Variants in GADL1 observed in about 807,000 individuals in gnomAD.
The protein encoded by GADL1 is GAD like acidic amino acid decarboxylase 1.
A neutral mutation model predicts 69.5 loss-of-function variants in GADL1; 71 were observed. That is an observed-to-expected ratio of 1.02 (90% CI 0.84 to 1.25). The LOEUF is 1.25. Ranked by LOEUF, GADL1 falls within the 50% of genes most tolerant of loss-of-function variation. The pLI, the probability that GADL1 is intolerant of heterozygous loss-of-function variation, is 0.00. For missense variants in GADL1, 737 were observed against 631.8 expected (o/e 1.17, Z -1.79); for synonymous variants, 254 against 214.4 (o/e 1.18, Z -1.62).
intron 14 of GADL1, among the ~76,000 whole-genome samples, chr3:30,752,449 TCTG>T (rs1368192570): frequency 3.1e-5 from 4 of 127,376 alleles, no homozygotes; most frequent in African/African-American, 4.9e-5. Flanking sequence ...GCAGCCAGTC[TCTG>T]CTTTTAGATA....
chr3:30,773,339 A>G (rs1279897092), intron 14 of GADL1, among the ~76,000 whole-genome samples: 2 of 152,128 alleles, frequency 1.3e-5, no homozygotes, highest in African/African-American at 4.8e-5. Context: ...CTTTTTGTCT[A>G]GATAAAGCAC....
In GADL1 at chr3:30,754,956, T is replaced by C. The variant is rs2125480765; in HGVS notation, c.1392+23223A>G. Among the ~76,000 whole-genome samples the C allele has an allele frequency of 1.3e-5, 2 of 152,262 alleles. 1 individual carries two copies. The highest frequency in any genetic ancestry group is 6.8e-3 in the Middle Eastern group (2 of 294). ...CAAATATTGAAAAACCAAGAGACTT[T>C]CACTGAGGAAGCAGACCAAAACGGG... is the stretch of plus-strand genomic sequence containing the variant. On this transcript the variant is annotated intron_variant, in intron 14 of 14. Coordinates refer to ENST00000282538, the MANE Select transcript of GADL1 (RefSeq NM_207359.3).
intron 9 of GADL1, among the ~76,000 whole-genome samples, chr3:30,838,495 G>A (rs898379362): frequency 6.6e-6 from 1 of 152,048 alleles, no homozygotes; most frequent in African/African-American, 2.4e-5. Flanking sequence ...ATTTGCTTTA[G>A]TTATAGCATG....
At chr3:30,738,568 T>G (rs781216266) in intron 14 of GADL1, among the ~76,000 whole-genome samples, 5 of 152,164 alleles carry the variant, frequency 3.3e-5, no homozygotes, top group Non-Finnish European at 5.9e-5. Flanking sequence ...CTTAAAGGTA[T>G]GTTCATGTTG....
chr3:30,829,728 T>TG (rs368745241), intron 11 of GADL1, among the ~76,000 whole-genome samples: 2 of 152,066 alleles, frequency 1.3e-5, no homozygotes, highest in African/African-American at 4.8e-5. Flanking sequence ...TAGATATTAG[T>TG]GGGTTTTTTT....
In GADL1 at chr3:30,728,387, A is replaced by G; in HGVS notation, c.1421T>C (p.Met474Thr). 1 of 1,613,676 alleles carries G rather than the reference A, an allele frequency of 6.2e-7. No individual in the cohort carries two copies. Among genetic ancestry groups the G allele is most frequent in the South Asian group, 1.1e-5 (1 of 91,080 alleles). Residue 474 changes from methionine (M) to threonine (T), a missense_variant, in exon 15 of 15, where the codon ATG (methionine) becomes ACG (threonine). Met to Thr is a moderately conservative substitution (Grantham distance 81). Coordinates refer to ENST00000282538, the MANE Select transcript of GADL1 (RefSeq NM_207359.3). ...LVAPAIKERMMKKGSLMLGYQ... is the reference protein window; with the variant it reads ...LVAPAIKERMTKKGSLMLGYQ... ...GCCCAGCATCAAGCTTCCCTTCTTCATCATCCTCTCCTTAATGGCTGGGGC... is the reference window on the plus strand; with the variant it reads ...GCCCAGCATCAAGCTTCCCTTCTTCGTCATCCTCTCCTTAATGGCTGGGGC...
At chr3:30,874,297 A>G (rs1698546746) in intron 1 of GADL1, among the ~76,000 whole-genome samples, 2 of 152,072 alleles carry the variant, frequency 1.3e-5, no homozygotes, top group Admixed American at 6.6e-5. Context: ...TGGAGTGGCA[A>G]ATGCAGGTGC....
chr3:30,840,034 C>A (rs1432803330), intron 8 of GADL1, among the ~76,000 whole-genome samples: 2 of 151,642 alleles, frequency 1.3e-5, no homozygotes, highest in African/African-American at 4.8e-5. Context: ...GTGAGGGGAG[C>A]AAGTAGAATA....
rs757947294 is a variant in GADL1, at chr3:30,778,184, T to C, written c.1387A>G (p.Asn463Asp). Residue 463 changes from asparagine to aspartate, a missense_variant, in exon 14 of 15, where the codon AAT becomes GAT. Transcript: ENST00000282538. ...ACCATTTACTTATTACTTACCAAAT[T>C]AAGTTTTGCCCAGAACTCGGGTCCT... ...EEGPEFWAKL[N>D]LVAPAIKERM... 1.3e-6 allele frequency: 2 copies of C among 1,586,422 alleles called. No homozygotes were observed. Among genetic ancestry groups the C allele is most frequent in the Non-Finnish European group, 1.7e-6 (2 of 1,155,292 alleles).
At chr3:30,841,221 G>A (rs1251048425) in intron 8 of GADL1, among the ~76,000 whole-genome samples, 1 of 152,206 alleles carries the variant, frequency 6.6e-6, no homozygotes, top group Non-Finnish European at 1.5e-5. Context: ...TGTCCTTGGT[G>A]AATCCAGGCT....
chr3:30,757,464 G>A (rs936108741), intron 14 of GADL1, among the ~76,000 whole-genome samples: 36 of 152,206 alleles, frequency 2.4e-4, no homozygotes, highest in African/African-American at 6.8e-4. Flanking sequence ...AGGGAAACCA[G>A]TTAGTCTCTT....
At chr3:30,804,923 C>T (rs1270994049) in intron 11 of GADL1, among the ~76,000 whole-genome samples, 1 of 152,168 alleles carries the variant, frequency 6.6e-6, no homozygotes, top group Non-Finnish European at 1.5e-5. Flanking sequence ...GCAAAAGAGC[C>T]TGGAGAATAT....
At chr3:30,850,981 G>A in intron 4 of GADL1, 40 bp from the exon 5 acceptor site, 1 of 1,185,760 alleles carries the variant, frequency 8.4e-7, no homozygotes, top group Non-Finnish European at 1.2e-6. Context: ...TATGACTAGA[G>A]TCAAAACATT....
chr3:30,846,789 G>A (rs140662852), intron 6 of GADL1, among the ~76,000 whole-genome samples: 6 of 152,174 alleles, frequency 3.9e-5, no homozygotes, highest in Middle Eastern at 3.4e-3. Context: ...CTGCTTGCCC[G>A]TGGAGAAGAC....
At chr3:30,861,279 G>T (rs1037103687) in intron 2 of GADL1, among the ~76,000 whole-genome samples, 1 of 151,620 alleles carries the variant, frequency 6.6e-6, no homozygotes, top group African/African-American at 2.4e-5. Flanking sequence ...AGATTAGCAG[G>T]TTACTTATCT....
Position 30,805,052 on chromosome 3 carries a change from T to A in GADL1, c.1051-3964A>T, listed in dbSNP as rs893806252. The stretch of plus-strand genomic sequence containing the variant: ...GAAACCACAACTTTTACTTTCCCTC[T>A]TTGCAATCACAACACCTAACCTAGC... On this transcript the variant is annotated intron_variant, in intron 11 of 14. Transcript: ENST00000282538. Among the ~76,000 whole-genome samples the A allele has an allele frequency of 3.3e-5, 5 of 152,202 alleles. No homozygotes were observed. The East Asian group carries it at 9.6e-4, about 29-fold the overall frequency.
intron 14 of GADL1, among the ~76,000 whole-genome samples, chr3:30,751,756 G>A (rs1646343452): frequency 6.6e-6 from 1 of 152,070 alleles, no homozygotes; most frequent in African/African-American, 2.4e-5. Flanking sequence ...CTGCTGCGCT[G>A]GTGCCCCCCG....
chr3:30,862,973 A>G (rs1698342798), intron 1 of GADL1, among the ~76,000 whole-genome samples: 1 of 151,748 alleles, frequency 6.6e-6, no homozygotes, highest in Non-Finnish European at 1.5e-5. Flanking sequence ...TCTTGCAGTC[A>G]CCTTTCAAAC....
chr3:30,763,639 G>GGCAA (rs1468222239), intron 14 of GADL1, among the ~76,000 whole-genome samples: 4 of 152,118 alleles, frequency 2.6e-5, no homozygotes, highest in African/African-American at 9.7e-5. Context: ...AGTCTAAGAG[G>GGCAA]AAGCCTATTT....
Sources: allele counts gnomAD v4.1 joint callset (sites outside exome capture counted in the v4.1 genomes callset), GRCh38; gene constraint gnomAD v4.1.1; transcripts MANE v1.5; gene names NCBI Gene and HGNC (gene_info 2026-07-23, HGNC 2026-07-21).